PDE4D: variants seen among roughly 807,000 people sequenced by gnomAD.
PDE4D encodes the protein phosphodiesterase 4D, also known as 3',5'-cyclic-AMP phosphodiesterase 4D.
In PDE4D, 24 loss-of-function variants were observed where a neutral mutation model predicts 87.4. The ratio of observed to expected loss-of-function variants is 0.27; its 90% CI spans 0.20 to 0.39. PDE4D has a LOEUF of 0.39. Among genes scored for constraint, PDE4D ranks in the 10% least tolerant of loss-of-function variants. PDE4D has a pLI of 1.00. For synonymous variants in PDE4D, 384 were observed against 383.2 expected, an observed-to-expected ratio of 1.00 and a Z score of -0.02; for missense variants, 714 against 1,041.0, an observed-to-expected ratio of 0.69 and a Z score of 4.32.
intron 2 of PDE4D, among the ~76,000 whole-genome samples, chr5:60,152,138 G>A (rs916131060): frequency 3.9e-5 from 6 of 152,176 alleles, no homozygotes; most frequent in African/African-American, 1.2e-4. Context: ...TTTTTAGTAC[G>A]CTGTTGAATT....
chr5:59,869,899 T>G (rs1425833841), intron 1 of PDE4D, among the ~76,000 whole-genome samples: 3 of 152,202 alleles, frequency 2.0e-5, no homozygotes, highest in African/African-American at 7.2e-5. Flanking sequence ...AGTGAGTTAA[T>G]AACCAGAACT....
At chr5:59,678,556 C>T (rs1748494105) in intron 1 of PDE4D, among the ~76,000 whole-genome samples, 1 of 152,120 alleles carries the variant, frequency 6.6e-6, no homozygotes, top group Non-Finnish European at 1.5e-5. Context: ...ACCTCTACCT[C>T]TGGGGTTCAA....
chr5:60,320,537 G>T (rs936467845), intron 1 of PDE4D, among the ~76,000 whole-genome samples: 1 of 152,144 alleles, frequency 6.6e-6, no homozygotes, highest in African/African-American at 2.4e-5. Context: ...TGGTACCTCT[G>T]TTGGAAATGC....
intron 1 of PDE4D, among the ~76,000 whole-genome samples, chr5:59,624,991 C>G (rs1470042208): frequency 6.6e-6 from 1 of 152,140 alleles, no homozygotes; most frequent in Non-Finnish European, 1.5e-5. Context: ...TAAGATGACT[C>G]CTATTACCCT....
intron 1 of PDE4D, among the ~76,000 whole-genome samples, chr5:59,383,021 A>G (rs1412068500): frequency 1.3e-5 from 2 of 152,216 alleles, no homozygotes; most frequent in African/African-American, 4.8e-5. Flanking sequence ...AGCATGGAAG[A>G]GCTTTAAGCA....
At chr5:60,222,651 A>G (rs1744634113) in intron 1 of PDE4D, among the ~76,000 whole-genome samples, 1 of 152,044 alleles carries the variant, frequency 6.6e-6, no homozygotes, top group Admixed American at 6.6e-5. Flanking sequence ...TGGCATAGTT[A>G]GTCTTTTTCA....
At chr5:60,406,704 G>T (rs997137962) in intron 1 of PDE4D, among the ~76,000 whole-genome samples, 6 of 152,046 alleles carry the variant, frequency 3.9e-5, no homozygotes, top group Non-Finnish European at 7.4e-5. Flanking sequence ...ATTCCAGGCT[G>T]CCTGGTACTC....
intron 1 of PDE4D, among the ~76,000 whole-genome samples, chr5:59,570,837 G>A (rs1396484192): frequency 6.6e-6 from 1 of 152,156 alleles, no homozygotes; most frequent in East Asian, 1.9e-4. Context: ...AGAATTAGAA[G>A]AGGGGAAAAA....
At chr5:60,481,864 A>G (rs1392226500) in intron 1 of PDE4D, among the ~76,000 whole-genome samples, 1 of 152,188 alleles carries the variant, frequency 6.6e-6, no homozygotes, top group Non-Finnish European at 1.5e-5. Context: ...AAGAATTTAA[A>G]AGTAAAATCA....
chr5:60,387,775 C>A (rs930866777), intron 1 of PDE4D, among the ~76,000 whole-genome samples: 2 of 152,092 alleles, frequency 1.3e-5, no homozygotes, highest in Admixed American at 6.5e-5. Flanking sequence ...GGAGTTTTGC[C>A]CCCACACATC....
chr5:59,337,288 A>T (rs1777830889), intron 1 of PDE4D, among the ~76,000 whole-genome samples: 1 of 151,112 alleles, frequency 6.6e-6, no homozygotes, highest in Non-Finnish European at 1.5e-5. Flanking sequence ...TTAAATTTTT[A>T]ATGATGCTGG....
Position 59,162,152 on chromosome 5 carries a change from G to A in PDE4D, c.808+18443C>T, listed in dbSNP as rs540856890. 9.2e-5 allele frequency among the ~76,000 whole-genome samples: 14 copies of A among 152,248 alleles called. No homozygotes were observed. In the South Asian group the frequency reaches 2.9e-3, roughly 32 times the overall value. ...TTTATTAAAGGCCTAGGAAGCTGGG[G>A]ACAAAACATCCAATTGATCTATATA... On this transcript the variant is annotated intron_variant, in intron 5 of 14. Coordinates refer to ENST00000340635, the MANE Select transcript of PDE4D (RefSeq NM_001104631.2).
intron 5 of PDE4D, among the ~76,000 whole-genome samples, chr5:59,085,593 G>T (rs62356686): frequency 0.22 from 33,140 of 152,080 alleles, 4,496 homozygotes; most frequent in Middle Eastern, 0.33. Context: ...TATAAATTAT[G>T]AATTCATATA....
intron 1 of PDE4D, among the ~76,000 whole-genome samples, chr5:59,251,569 C>T (rs535983273): frequency 1.3e-5 from 2 of 152,234 alleles, no homozygotes; most frequent in East Asian, 3.9e-4. Flanking sequence ...CACTTACAAA[C>T]TTTTGGTGGG....
At chr5:60,331,237 G>C (rs1311112512) in intron 1 of PDE4D, among the ~76,000 whole-genome samples, 1 of 152,156 alleles carries the variant, frequency 6.6e-6, no homozygotes, top group Admixed American at 6.5e-5. Flanking sequence ...CAAGTCAGTT[G>C]CCTTGGGTCT....
intron 1 of PDE4D, among the ~76,000 whole-genome samples, chr5:59,689,139 A>G (rs1021670061): frequency 6.6e-6 from 1 of 152,150 alleles, no homozygotes; most frequent in Admixed American, 6.5e-5. Context: ...TCTACCAGAG[A>G]TACAAAAAGG....
intron 2 of PDE4D, among the ~76,000 whole-genome samples, chr5:59,991,471 C>T (rs1763000622): frequency 6.6e-6 from 1 of 152,058 alleles, no homozygotes; most frequent in Non-Finnish European, 1.5e-5. Flanking sequence ...CCATCATCTC[C>T]TTGCAATAAT....
chr5:59,159,006 T>G (rs1262811417), intron 5 of PDE4D, among the ~76,000 whole-genome samples: 1 of 152,220 alleles, frequency 6.6e-6, no homozygotes, highest in Non-Finnish European at 1.5e-5. Flanking sequence ...ATACAGAAAG[T>G]GTGACTATGG....
chr5:60,041,427 C>G (rs1172470122), intron 2 of PDE4D, among the ~76,000 whole-genome samples: 1 of 152,126 alleles, frequency 6.6e-6, no homozygotes, highest in Non-Finnish European at 1.5e-5. Flanking sequence ...TGTGCCCTGG[C>G]AGGATAGTGT....
Sources: gnomAD v4.1 joint callset for allele counts (sites outside exome capture counted in the v4.1 genomes callset) on GRCh38, gnomAD v4.1.1 for gene constraint, MANE v1.5 for transcripts, NCBI Gene and HGNC (gene_info 2026-07-23, HGNC 2026-07-21) for gene names.